Variants in SLCO6A1 observed in about 807,000 individuals in gnomAD.
SLCO6A1 encodes the protein solute carrier organic anion transporter family member 6A1, also known as cancer/testis antigen 48.
SLCO6A1 carries 65 observed loss-of-function variants against 72.7 expected under a neutral mutation model. The ratio of observed to expected loss-of-function variants is 0.89; its 90% CI spans 0.73 to 1.10. The LOEUF (loss-of-function observed/expected upper bound fraction) is 1.10, where lower values mean the gene tolerates loss of function less well. Ranked by LOEUF, SLCO6A1 falls within the 50% of genes least tolerant of loss-of-function variation. SLCO6A1 has a pLI of 0.00. For missense variants in SLCO6A1, 874 were observed against 872.6 expected (o/e 1.00, Z -0.02); for synonymous variants, 314 against 298.2 (o/e 1.05, Z -0.55).
At chr5:102,383,445 T>C (rs1349482896) in intron 12 of SLCO6A1, among the ~76,000 whole-genome samples, 1 of 151,764 alleles carries the variant, frequency 6.6e-6, no homozygotes, top group African/African-American at 2.4e-5. Flanking sequence ...CCTTCACCTA[T>C]TGAAATTATC....
chr5:102,436,116 T>C (rs1448020656), intron 7 of SLCO6A1, among the ~76,000 whole-genome samples: 1 of 152,184 alleles, frequency 6.6e-6, no homozygotes, highest in Non-Finnish European at 1.5e-5. Flanking sequence ...AAACCACAAA[T>C]ATACCTTTAC....
chr5:102,439,603 A>T (rs1166704536), intron 6 of SLCO6A1, among the ~76,000 whole-genome samples: 9 of 152,136 alleles, frequency 5.9e-5, no homozygotes, highest in African/African-American at 2.2e-4. Flanking sequence ...ATTCATTCCC[A>T]TAATATTAAA....
intron 7 of SLCO6A1, among the ~76,000 whole-genome samples, chr5:102,426,297 CACAGCAAAAGAA>C (rs1397246255): frequency 6.6e-6 from 1 of 152,140 alleles, no homozygotes; most frequent in Non-Finnish European, 1.5e-5. Context: ...AGAGCTTCTG[CACAGCAAAAGAA>C]ACTATCATCA....
At chr5:102,422,617 G>T (rs1349621339) in intron 7 of SLCO6A1, among the ~76,000 whole-genome samples, 4 of 152,068 alleles carry the variant, frequency 2.6e-5, no homozygotes, top group South Asian at 2.1e-4. Flanking sequence ...AAGATATATG[G>T]GACTCTATGA....
intron 7 of SLCO6A1, among the ~76,000 whole-genome samples, chr5:102,430,325 G>C (rs935457716): frequency 6.6e-6 from 1 of 151,992 alleles, no homozygotes; most frequent in South Asian, 2.1e-4. Context: ...TTCTGGGCTG[G>C]ACTTCTAATA....
At chr5:102,492,259 T>C (rs1409513671) in intron 1 of SLCO6A1, among the ~76,000 whole-genome samples, 1 of 151,562 alleles carries the variant, frequency 6.6e-6, no homozygotes, top group South Asian at 2.1e-4. Context: ...CAACAACAGA[T>C]AAGTAATGTA....
chr5:102,490,078 A>C (rs189718402), intron 1 of SLCO6A1, among the ~76,000 whole-genome samples: 59 of 152,310 alleles, frequency 3.9e-4, no homozygotes, highest in African/African-American at 1.3e-3. Flanking sequence ...TGGTTACTAG[A>C]GGCTGGAGAG....
At chr5:102,408,215 C>T (rs1370812752) in intron 9 of SLCO6A1, among the ~76,000 whole-genome samples, 1 of 151,126 alleles carries the variant, frequency 6.6e-6, no homozygotes, top group Non-Finnish European at 1.5e-5. Flanking sequence ...TATAGCAATA[C>T]TGTAATAAAA....
At chr5:102,433,914 A>G (rs558430679) in intron 7 of SLCO6A1, among the ~76,000 whole-genome samples, 5 of 152,216 alleles carry the variant, frequency 3.3e-5, no homozygotes, top group African/African-American at 1.2e-4. Context: ...TAAAGGATAC[A>G]ATATTTAAAA....
rs1489443141 is a variant in SLCO6A1 at position 102,438,729 on chromosome 5, T to C, written c.1164A>G (p.Leu388=). The change falls in exon 7 of 14, where the codon CTA becomes CTG. Residue 388 remains leucine, a synonymous_variant. Coordinates refer to ENST00000506729, the MANE Select transcript of SLCO6A1 (RefSeq NM_173488.5). ...ILMKNPVLIC[L]ALSKATEYLV... is the part of the protein sequence containing the mutation. ...AATATTCTGTAGCTTTTGACAGAGC[T>C]AGGCATATGAGCACTGGATTCTTCA... 1.3e-6 allele frequency: 2 copies of C among 1,579,420 alleles called. No homozygotes were observed. The highest frequency in any genetic ancestry group is 1.7e-6 in the Non-Finnish European group (2 of 1,166,542).
At position 102,413,120 on chromosome 5, in the gene SLCO6A1, G is replaced by A. The variant is rs1439999258; in HGVS notation, c.1496C>T (p.Thr499Met). The A allele has an allele frequency of 7.7e-6, 12 of 1,561,838 alleles. No individual in the cohort carries two copies. The East Asian group carries it at 9.7e-5, about 13-fold the overall frequency. The change falls in exon 9 of 14, where the codon ACG becomes ATG. Residue 499 changes from threonine (T) to methionine (M), a missense_variant. Physicochemically the swap from Thr to Met is moderately conservative, Grantham distance 81. Coordinates refer to ENST00000506729, the MANE Select transcript of SLCO6A1 (RefSeq NM_173488.5). The part of the protein sequence containing the change: ...YDGTGKLGNL[T>M]APCNEKCRCS... Reference sequence around the variant, plus strand: ...TCTACATTTTTCATTGCAAGGAGCCGTGAGGTTTCCCAACTTCCCTGTTCT... The same window carrying A: ...TCTACATTTTTCATTGCAAGGAGCCATGAGGTTTCCCAACTTCCCTGTTCT...
chr5:102,482,194 C>A (rs1399896978), intron 1 of SLCO6A1, among the ~76,000 whole-genome samples: 1 of 152,008 alleles, frequency 6.6e-6, no homozygotes, highest in Non-Finnish European at 1.5e-5. Flanking sequence ...TTATATGGTT[C>A]TCTACCTTCC....
intron 4 of SLCO6A1, among the ~76,000 whole-genome samples, chr5:102,463,661 G>A (rs931025244): frequency 6.6e-6 from 1 of 151,956 alleles, no homozygotes; most frequent in Non-Finnish European, 1.5e-5. Flanking sequence ...CCGAGGCGGG[G>A]GGATCACCTG....
chr5:102,465,985 A>G (rs1008703125), intron 4 of SLCO6A1, among the ~76,000 whole-genome samples: 2 of 152,142 alleles, frequency 1.3e-5, no homozygotes, highest in African/African-American at 4.8e-5. Flanking sequence ...AACTCAGAAT[A>G]TTCACATTAT....
At chr5:102,453,392 C>A (rs997301110) in intron 6 of SLCO6A1, among the ~76,000 whole-genome samples, 3 of 151,700 alleles carry the variant, frequency 2.0e-5, no homozygotes, top group African/African-American at 7.2e-5. Flanking sequence ...TTTAAAAATT[C>A]TTTTGAACAT....
At chr5:102,497,000 G>A (rs78183391) in intron 1 of SLCO6A1, among the ~76,000 whole-genome samples, 3,466 of 152,210 alleles carry the variant, frequency 0.023, 92 homozygotes, top group African/African-American at 0.067. Context: ...AGACAAACTC[G>A]ATGACAATTT....
At chr5:102,462,934 A>C (rs1420936078) in intron 4 of SLCO6A1, among the ~76,000 whole-genome samples, 2 of 152,198 alleles carry the variant, frequency 1.3e-5, no homozygotes, top group Non-Finnish European at 2.9e-5. Context: ...GACCTAATTA[A>C]ACAGAAAAGC....
chr5:102,393,741 C>G (rs1411901526), intron 10 of SLCO6A1, among the ~76,000 whole-genome samples: 1 of 151,950 alleles, frequency 6.6e-6, no homozygotes, highest in Admixed American at 6.6e-5. Flanking sequence ...CTCCTCCACT[C>G]TCTTATTTGA....
rs749229793 is a variant in SLCO6A1, at chr5:102,477,839, A to G, written c.639T>C (p.Val213=). 1.2e-6 allele frequency: 2 copies of G among 1,606,190 alleles called. No individual in the cohort carries two copies. Among genetic ancestry groups the G allele is most frequent in the African/African-American group, 1.3e-5 (1 of 74,618 alleles). The change falls in exon 3 of 14, where the codon GTT becomes GTC. Residue 213 remains valine (V), a synonymous_variant. Coordinates refer to ENST00000506729, the MANE Select transcript of SLCO6A1 (RefSeq NM_173488.5). ...GIEDICEEIK[V]VSGCQSSGIS... The stretch of plus-strand genomic sequence containing the variant: ...TACCACTGCTCTGGCAACCACTGAC[A>G]ACCTTTATTTCTTCGCAAATATCTT...
Sources: allele counts gnomAD v4.1 joint callset (sites outside exome capture counted in the v4.1 genomes callset), GRCh38; gene constraint gnomAD v4.1.1; transcripts MANE v1.5; gene names NCBI Gene and HGNC (gene_info 2026-07-23, HGNC 2026-07-21).